CALD1: variants seen among roughly 807,000 people sequenced by gnomAD.
The protein encoded by CALD1 is caldesmon.
Under a neutral mutation model 99.9 loss-of-function variants are expected in CALD1, and 33 were observed. The observed-to-expected ratio is 0.33, with a 90% CI of 0.25 to 0.44. CALD1 has a LOEUF of 0.44. Ranked by LOEUF, CALD1 falls within the 20% of genes least tolerant of loss-of-function variation. The probability of loss-of-function intolerance (pLI) is 1.00; values close to 1 mark genes in which losing one functional copy is unlikely to be tolerated. For missense variants in CALD1, 861 were observed against 962.1 expected (o/e 0.89, Z 1.39); for synonymous variants, 310 against 325.0 (o/e 0.95, Z 0.50).
At chr7:134,894,475 T>C (rs1227298965) in intron 3 of CALD1, among the ~76,000 whole-genome samples, 2 of 152,228 alleles carry the variant, frequency 1.3e-5, no homozygotes, top group Admixed American at 6.5e-5. Context: ...CCTTTTTCAT[T>C]TGAACCGTTT....
At chr7:134,894,711 C>T (rs775087905) in intron 3 of CALD1, among the ~76,000 whole-genome samples, 59 of 152,142 alleles carry the variant, frequency 3.9e-4, no homozygotes, top group Non-Finnish European at 6.2e-4. Context: ...CAGGAGCAGT[C>T]GTGAATGGTT....
At chr7:134,819,192 A>G (rs985016440) in intron 1 of CALD1, among the ~76,000 whole-genome samples, 8 of 152,190 alleles carry the variant, frequency 5.3e-5, no homozygotes, top group African/African-American at 1.9e-4. Context: ...AACATGAATG[A>G]CAGTCTCTGC....
In CALD1 at chr7:134,786,982, A is replaced by G. The variant is rs1797331463; in HGVS notation, c.-130+7233A>G. ...TCTAGAAGGGGGTCCAGGCATCTGT[A>G]GTTTGTAAAAGTTCCCTGGTGACTC... is the stretch of plus-strand genomic sequence containing the variant. On this transcript the variant is annotated intron_variant, in intron 1 of 14. Coordinates refer to ENST00000361675, the MANE Select transcript of CALD1 (RefSeq NM_033138.4). 2.6e-5 allele frequency among the ~76,000 whole-genome samples: 4 copies of G among 152,182 alleles called. No homozygotes were observed. In the South Asian group the frequency reaches 8.3e-4, roughly 32 times the overall value.
At chr7:134,929,314 G>A (rs1428910866) in intron 4 of CALD1, among the ~76,000 whole-genome samples, 1 of 151,678 alleles carries the variant, frequency 6.6e-6, no homozygotes, top group Non-Finnish European at 1.5e-5. Context: ...TTCTTTAATG[G>A]TGATTTCTGA....
chr7:134,960,734 C>A, intron 13 of CALD1, 106 bp downstream of exon 13: 1 of 674,554 alleles, frequency 1.5e-6, no homozygotes, highest in Non-Finnish European at 2.7e-6. Context: ...TGCCCCTGTT[C>A]TTTGCTTTCC....
At chr7:134,877,348 T>A (rs1801399330) in intron 3 of CALD1, among the ~76,000 whole-genome samples, 1 of 152,208 alleles carries the variant, frequency 6.6e-6, no homozygotes, top group Non-Finnish European at 1.5e-5. Context: ...GAATTATGGA[T>A]ATAAATGTCT....
intron 3 of CALD1, among the ~76,000 whole-genome samples, chr7:134,916,335 G>C (rs532212870): frequency 2.0e-4 from 30 of 152,302 alleles, no homozygotes; most frequent in African/African-American, 5.5e-4. Flanking sequence ...AGGGGTACAA[G>C]AGGGAGGAAC....
intron 1 of CALD1, among the ~76,000 whole-genome samples, chr7:134,799,042 A>G (rs752769186): frequency 3.1e-4 from 47 of 152,360 alleles, no homozygotes; most frequent in Admixed American, 1.3e-3. Context: ...GATGTAGTTC[A>G]AATACTAGTT....
the CALD1 span, among the ~76,000 whole-genome samples, chr7:134,711,674 ATATATATGTGTG>A: frequency 4.7e-5 from 4 of 84,760 alleles, no homozygotes; most frequent in African/African-American, 4.1e-5. Flanking sequence ...ATATATATAT[ATATATATGTGTG>A]TGTGTGTGTG....
rs1805733272 is a variant in CALD1 at position 134,933,820 on chromosome 7, A to T, written c.1051A>T (p.Arg351Trp). Residue 351 changes from arginine to tryptophan, a missense_variant, in exon 5 of 15, where the codon AGG becomes TGG. Arg to Trp is a moderately radical substitution (Grantham distance 101). Coordinates refer to ENST00000361675, the MANE Select transcript of CALD1 (RefSeq NM_033138.4). ...GCAGAGGATAAAGGAGGAAGAGAAA[A>T]GGGCAGCAGAGGAGAGGCAGAGGAT... The part of the protein sequence containing the change: ...ERQRIKEEEK[R>W]AAEERQRIKE... 7.6e-6 allele frequency: 12 copies of T among 1,572,698 alleles called. No homozygotes were observed. Among genetic ancestry groups the T allele is most frequent in the Non-Finnish European group, 9.5e-6 (11 of 1,159,768 alleles).
At chr7:134,747,294 C>T (rs773889769) in intron 1 of CALD1, among the ~76,000 whole-genome samples, 14 of 152,108 alleles carry the variant, frequency 9.2e-5, no homozygotes, top group Admixed American at 2.6e-4. Context: ...TGGAATGATC[C>T]AGCCTCAGAG....
At chr7:134,773,911 CT>C (rs1191649926) in intron 1 of CALD1, among the ~76,000 whole-genome samples, 1 of 151,986 alleles carries the variant, frequency 6.6e-6, no homozygotes, top group East Asian at 1.9e-4. Flanking sequence ...TGGCTCACGC[CT>C]GTAATCCCAG....
At chr7:134,834,155 C>G (rs1283807196) in intron 1 of CALD1, among the ~76,000 whole-genome samples, 1 of 152,168 alleles carries the variant, frequency 6.6e-6, no homozygotes. Flanking sequence ...TGGTGGGCCA[C>G]CATACCTGAT....
intron 1 of CALD1, among the ~76,000 whole-genome samples, chr7:134,793,177 G>C (rs1307815157): frequency 6.6e-6 from 1 of 152,196 alleles, no homozygotes; most frequent in Non-Finnish European, 1.5e-5. Context: ...GCAGCTGGCC[G>C]GGCCAGGGAG....
At chr7:134,924,880 G>A (rs1804878966) in intron 3 of CALD1, among the ~76,000 whole-genome samples, 1 of 152,018 alleles carries the variant, frequency 6.6e-6, no homozygotes. Flanking sequence ...AGATCTGATG[G>A]TTTTATAAGG....
chr7:134,753,849 T>C (rs1423854785), intron 1 of CALD1, among the ~76,000 whole-genome samples: 2 of 152,234 alleles, frequency 1.3e-5, no homozygotes, highest in African/African-American at 4.8e-5. Flanking sequence ...TGGCCTGCTC[T>C]GACTCCAGAA....
intron 1 of CALD1, among the ~76,000 whole-genome samples, chr7:134,772,624 C>G (rs1006219344): frequency 1.3e-5 from 2 of 152,106 alleles, no homozygotes; most frequent in African/African-American, 4.8e-5. Context: ...TACATTCTTA[C>G]GATTGTGGTA....
At chr7:134,882,826 G>T (rs1563065771) in intron 3 of CALD1, among the ~76,000 whole-genome samples, 1 of 152,166 alleles carries the variant, frequency 6.6e-6, no homozygotes, top group Non-Finnish European at 1.5e-5. Context: ...TTCCAATATT[G>T]GGATGTAATG....
At position 134,960,030 on chromosome 7, in the gene CALD1, T is replaced by A. The variant is rs997740883; in HGVS notation, c.2118T>A (p.Ala706=). 2.5e-6 allele frequency: 4 copies of A among 1,614,198 alleles called. No individual in the cohort carries two copies. Residue 706 remains alanine, a synonymous_variant, in exon 12 of 15, where the codon GCT becomes GCA. Transcript: ENST00000361675. ...CAGCCTCGGATCTTCCTGTTCCTGC[T>A]GAAGGTGTACGCAACATCAAGAGTA... ...KPAASDLPVP[A]EGVRNIKSMW...
Sources: gnomAD v4.1 joint callset for allele counts (sites outside exome capture counted in the v4.1 genomes callset) on GRCh38, gnomAD v4.1.1 for gene constraint, MANE v1.5 for transcripts, NCBI Gene and HGNC (gene_info 2026-07-23, HGNC 2026-07-21) for gene names.